LGR5: variants seen among roughly 807,000 people sequenced by gnomAD.
LGR5 encodes leucine-rich repeat-containing G protein-coupled receptor 5.
In LGR5, 54 loss-of-function variants were observed where a neutral mutation model predicts 76.7. The ratio of observed to expected loss-of-function variants is 0.70; its 90% CI spans 0.57 to 0.88. The LOEUF (loss-of-function observed/expected upper bound fraction) is 0.88. Among genes scored for constraint, LGR5 ranks in the 40% least tolerant of loss-of-function variants. The pLI, the probability that LGR5 is intolerant of heterozygous loss-of-function variation, is 0.00. For missense variants in LGR5, 1,078 were observed against 1,073.3 expected (o/e 1.00, Z -0.06); for synonymous variants, 406 against 421.9 (o/e 0.96, Z 0.46).
At chr12:71,522,663 A>G (rs889270470) in intron 2 of LGR5, among the ~76,000 whole-genome samples, 1 of 152,152 alleles carries the variant, frequency 6.6e-6, no homozygotes, top group Non-Finnish European at 1.5e-5. Flanking sequence ...TTATCACTTG[A>G]AAAAACACTT....
At chr12:71,521,348 C>T (rs1875720074) in intron 2 of LGR5, among the ~76,000 whole-genome samples, 1 of 152,172 alleles carries the variant, frequency 6.6e-6, no homozygotes, top group Non-Finnish European at 1.5e-5. Flanking sequence ...TCATCCAAAA[C>T]AGACTTCAGG....
In LGR5 at chr12:71,467,500, C is replaced by T. The variant is rs1872914431; in HGVS notation, c.212+27208C>T. ...CATCAGGAATGGCTGGTTGTCATTT[C>T]CTCTGTTTCTGATTATCACTATCTT... On this transcript the variant is annotated intron_variant, in intron 1 of 17. Transcript: ENST00000266674. Among the ~76,000 whole-genome samples the T allele has an allele frequency of 2.0e-5, 3 of 152,140 alleles. 1 individual carries two copies. Among genetic ancestry groups the T allele is most frequent in the Admixed American group, 2.0e-4 (3 of 15,274 alleles).
chr12:71,532,796 A>ATT (rs34973486), intron 3 of LGR5, among the ~76,000 whole-genome samples: 13,933 of 146,098 alleles, frequency 0.095, 681 homozygotes, highest in Non-Finnish European at 0.11. Flanking sequence ...TCAAATGAAG[A>ATT]TTTTTTTTTT....
chr12:71,453,947 C>T (rs4132612), intron 1 of LGR5, among the ~76,000 whole-genome samples: 1 of 151,836 alleles, frequency 6.6e-6, no homozygotes, highest in South Asian at 2.1e-4. Context: ...AATGATGTGA[C>T]TCTGTGTAGG....
chr12:71,582,530 C>T lies in LGR5; in HGVS notation c.1627C>T (p.Pro543Ser). The T allele has an allele frequency of 2.5e-6, 4 of 1,613,242 alleles. No homozygotes were observed. Among genetic ancestry groups the T allele is most frequent in the African/African-American group, 2.7e-5 (2 of 75,032 alleles). Residue 543 changes from proline (P) to serine (S), a missense_variant, in exon 17 of 18, where the codon CCT (proline) becomes TCT (serine). Physicochemically the swap from Pro to Ser is moderately conservative, Grantham distance 74 (BLOSUM62 -1). Coordinates refer to ENST00000266674, the MANE Select transcript of LGR5 (RefSeq NM_003667.4). ...LKALHSVQCS[P>S]SPGPFKPCEH... ...AGCCCTTCATTCAGTGCAGTGTTCA[C>T]CTTCCCCAGGTGAGAAAGGCATCAA...
intron 15 of LGR5, among the ~76,000 whole-genome samples, chr12:71,579,759 A>G (rs1879012430): frequency 6.6e-6 from 1 of 152,112 alleles, no homozygotes; most frequent in Non-Finnish European, 1.5e-5. Flanking sequence ...TTTTGTACCC[A>G]TTAACCATCC....
intron 2 of LGR5, among the ~76,000 whole-genome samples, chr12:71,520,972 G>A (rs991680736): frequency 6.6e-6 from 1 of 152,056 alleles, no homozygotes; most frequent in East Asian, 1.9e-4. Flanking sequence ...ATTGTTTCAC[G>A]TATATTTTAC....
chr12:71,453,593 G>A (rs1057281896), intron 1 of LGR5, among the ~76,000 whole-genome samples: 7 of 151,820 alleles, frequency 4.6e-5, no homozygotes, highest in Non-Finnish European at 1.0e-4. Context: ...ACAGTGGCAG[G>A]CAAGAGATGA....
chr12:71,508,776 A>AAAAAAC, intron 2 of LGR5, among the ~76,000 whole-genome samples: 1 of 151,284 alleles, frequency 6.6e-6, no homozygotes, highest in African/African-American at 2.4e-5. Context: ...AAAAAAAAAA[A>AAAAAAC]AGCATTGTAA....
intron 17 of LGR5, 147 bp downstream of exon 17, chr12:71,582,686 C>A: frequency 1.7e-6 from 1 of 593,766 alleles, no homozygotes; most frequent in South Asian, 2.1e-5. Flanking sequence ...CTGTCAAATA[C>A]AAATGTTCAT....
At chr12:71,544,407 ATGG>A (rs888387303) in intron 4 of LGR5, among the ~76,000 whole-genome samples, 2 of 146,712 alleles carry the variant, frequency 1.4e-5, no homozygotes, top group African/African-American at 5.0e-5. Context: ...AGTAAATAAG[ATGG>A]TGATTAGAAA....
intron 1 of LGR5, among the ~76,000 whole-genome samples, chr12:71,450,424 A>G (rs1872199298): frequency 6.6e-6 from 1 of 152,216 alleles, no homozygotes; most frequent in Admixed American, 6.5e-5. Context: ...TTGAAGAATA[A>G]TTAAGCATAA....
At chr12:71,546,007 T>C (rs1877139014) in intron 4 of LGR5, among the ~76,000 whole-genome samples, 1 of 152,192 alleles carries the variant, frequency 6.6e-6, no homozygotes, top group African/African-American at 2.4e-5. Context: ...TTATTTTATT[T>C]GGTGGCAGGG....
intron 2 of LGR5, among the ~76,000 whole-genome samples, chr12:71,516,915 G>GT (rs1354253485): frequency 6.6e-6 from 1 of 150,656 alleles, no homozygotes; most frequent in East Asian, 2.0e-4. Context: ...AGAAAGACAA[G>GT]TTTTTTTTAA....
intron 15 of LGR5, 128 bp downstream of exon 15, chr12:71,579,057 C>G: frequency 1.3e-6 from 1 of 782,760 alleles, no homozygotes; most frequent in Non-Finnish European, 1.9e-6. Flanking sequence ...CCTCAAGTCT[C>G]CTAACCCTGG....
At chr12:71,571,291 T>G in intron 11 of LGR5, 1 of 387,090 alleles carries the variant, frequency 2.6e-6, no homozygotes, top group Non-Finnish European at 4.6e-6. Flanking sequence ...AGTAAACTAT[T>G]TAAATCAATT....
At chr12:71,551,994 G>A (rs752137507) in intron 4 of LGR5, among the ~76,000 whole-genome samples, 1 of 151,950 alleles carries the variant, frequency 6.6e-6, no homozygotes, top group Non-Finnish European at 1.5e-5. Flanking sequence ...TTTCCCTGAG[G>A]CATGTCTCTA....
intron 1 of LGR5, among the ~76,000 whole-genome samples, chr12:71,473,290 G>A (rs946199189): frequency 6.6e-6 from 1 of 152,138 alleles, no homozygotes; most frequent in Non-Finnish European, 1.5e-5. Flanking sequence ...GATTTGGGAG[G>A]AAATTGTGTA....
intron 1 of LGR5, among the ~76,000 whole-genome samples, chr12:71,483,216 T>C (rs938383271): frequency 2.0e-5 from 3 of 152,192 alleles, no homozygotes; most frequent in African/African-American, 4.8e-5. Flanking sequence ...TGCTATTGCG[T>C]GTCTACTCCC....
Sources: allele counts gnomAD v4.1 joint callset (sites outside exome capture counted in the v4.1 genomes callset), GRCh38; gene constraint gnomAD v4.1.1; transcripts MANE v1.5; gene names NCBI Gene and HGNC (gene_info 2026-07-23, HGNC 2026-07-21).